SLC2A9: variants seen among roughly 807,000 people sequenced by gnomAD.
SLC2A9 encodes the protein solute carrier family 2 member 9, also known as solute carrier family 2, facilitated glucose transporter member 9.
SLC2A9 carries 39 observed loss-of-function variants against 50.6 expected under a neutral mutation model. The observed-to-expected ratio is 0.77, with a 90% CI of 0.60 to 1.01. The LOEUF is 1.01. SLC2A9 is among the 50% of genes least tolerant of loss of function. The probability of loss-of-function intolerance (pLI) is 0.00; values close to 1 mark genes in which losing one functional copy is unlikely to be tolerated. For synonymous variants in SLC2A9, 324 were observed against 276.9 expected, an observed-to-expected ratio of 1.17 and a Z score of -1.69; for missense variants, 686 against 677.6, an observed-to-expected ratio of 1.01 and a Z score of -0.14.
At chr4:9,969,881 A>G (rs1158277394) in intron 5 of SLC2A9, among the ~76,000 whole-genome samples, 1 of 152,230 alleles carries the variant, frequency 6.6e-6, no homozygotes, top group Non-Finnish European at 1.5e-5. Context: ...ACAATTCAAG[A>G]TGAGATCTGG....
chr4:9,918,870 G>A (rs1743385259), intron 7 of SLC2A9, among the ~76,000 whole-genome samples: 1 of 152,120 alleles, frequency 6.6e-6, no homozygotes, highest in African/African-American at 2.4e-5. Flanking sequence ...AACATGGGAG[G>A]GCAGAACACT....
intron 3 of SLC2A9, among the ~76,000 whole-genome samples, chr4:9,800,838 C>A (rs540106843): frequency 6.6e-6 from 1 of 152,104 alleles, no homozygotes; most frequent in Non-Finnish European, 1.5e-5. Flanking sequence ...ATATCAGGGA[C>A]TTGAGCATTT....
At chr4:9,818,707 C>A (rs1045476082) in intron 3 of SLC2A9, among the ~76,000 whole-genome samples, 1 of 152,208 alleles carries the variant, frequency 6.6e-6, no homozygotes, top group Non-Finnish European at 1.5e-5. Flanking sequence ...AAGTCCCTGT[C>A]ACGATTATTA....
At chr4:9,819,657 G>A (rs769924378) in intron 3 of SLC2A9, among the ~76,000 whole-genome samples, 12 of 152,292 alleles carry the variant, frequency 7.9e-5, no homozygotes, top group East Asian at 3.9e-4. Context: ...CTTTTGGCCC[G>A]GTGTGGTGGC....
chr4:9,930,301 C>CT (rs1486756952), intron 6 of SLC2A9, among the ~76,000 whole-genome samples: 1 of 152,226 alleles, frequency 6.6e-6, no homozygotes. Flanking sequence ...AATGCCAGGT[C>CT]TTCCCCTAAA....
At chr4:9,939,213 A>C (rs918510306) in intron 6 of SLC2A9, among the ~76,000 whole-genome samples, 2 of 152,206 alleles carry the variant, frequency 1.3e-5, no homozygotes, top group African/African-American at 4.8e-5. Context: ...AACCTAGGTC[A>C]GCCAGGTGAC....
intron 8 of SLC2A9, among the ~76,000 whole-genome samples, chr4:9,899,494 T>C (rs1031504425): frequency 2.0e-4 from 30 of 152,336 alleles, no homozygotes; most frequent in African/African-American, 6.5e-4. Context: ...CTTGGAAAGC[T>C]GTGGTTATTG....
Position 9,841,856 on chromosome 4 carries a change from G to A in SLC2A9, c.1292-6848C>T, listed in dbSNP as rs538899494. On this transcript the variant is annotated intron_variant, in intron 10 of 11. Coordinates refer to ENST00000264784, the MANE Select transcript of SLC2A9 (RefSeq NM_020041.3). The stretch of plus-strand genomic sequence containing the variant: ...GACCCTTTGAGAGGGCTGTTTGGGG[G>A]GAAGGTATCTTCTTGATCTTTCTCT... Among the ~76,000 whole-genome samples the A allele has an allele frequency of 2.0e-5, 3 of 152,206 alleles. No individual in the cohort carries two copies. In the South Asian group the frequency reaches 6.2e-4, roughly 32 times the overall value.
intron 5 of SLC2A9, among the ~76,000 whole-genome samples, chr4:9,963,439 A>G (rs1294242822): frequency 6.6e-6 from 1 of 152,242 alleles, no homozygotes; most frequent in Non-Finnish European, 1.5e-5. Flanking sequence ...GGGGTAGCTC[A>G]ATGCTACAGA....
rs34545348 is a variant in SLC2A9 at position 9,999,076 on chromosome 4, C to CTT, written c.250-2137_250-2136dup. Among the ~76,000 whole-genome samples the CTT allele has an allele frequency of 4.3e-3, 610 of 143,208 alleles. 3 individuals are homozygous for CTT. The highest frequency in any genetic ancestry group is 5.7e-3 in the Non-Finnish European group (373 of 65,810). The allele number at this position is 143,208 out of a possible 152,430, so 94.0% of individuals were successfully genotyped here. A position where few individuals can be genotyped will look rare whatever the true frequency, so the allele number is the denominator to read the frequency against. On this transcript the variant is annotated intron_variant, in intron 2 of 11. Transcript: ENST00000264784. The stretch of plus-strand genomic sequence containing the variant: ...GGGGAGGGACACTTGGTAGGTCCTT[C>CTT]TTTTTTTTTTTTTCAGGCTGGAGTG...
chr4:9,884,591 A>C (rs1182362581), intron 10 of SLC2A9, among the ~76,000 whole-genome samples: 1 of 152,178 alleles, frequency 6.6e-6, no homozygotes, highest in Non-Finnish European at 1.5e-5. Context: ...ATAATAGACA[A>C]ACCCTTCAGT....
At chr4:10,036,413 C>G (rs1490673882) in intron 1 of SLC2A9, among the ~76,000 whole-genome samples, 1 of 152,230 alleles carries the variant, frequency 6.6e-6, no homozygotes, top group Non-Finnish European at 1.5e-5. Flanking sequence ...GCGCATATCA[C>G]AGAGTAAAAT....
downstream of SLC2A9, among the ~76,000 whole-genome samples, chr4:9,796,657 T>A (rs1720630227): frequency 6.6e-6 from 1 of 152,188 alleles, no homozygotes; most frequent in Non-Finnish European, 1.5e-5. Context: ...CATTTACTTC[T>A]CATTTCCATA....
intron 10 of SLC2A9, among the ~76,000 whole-genome samples, chr4:9,884,258 T>C (rs1735761913): frequency 6.6e-6 from 1 of 152,198 alleles, no homozygotes; most frequent in South Asian, 2.1e-4. Context: ...CAGGAGCATG[T>C]TACTTTTTTA....
chr4:10,018,831 C>G, intron 2 of SLC2A9, 144 bp downstream of exon 2: 2 of 745,830 alleles, frequency 2.7e-6, no homozygotes, highest in Non-Finnish European at 4.4e-6. Flanking sequence ...CTCCCCTCTC[C>G]CCCGAGTGGG....
At chr4:9,827,857 C>A (rs7680554) in intron 11 of SLC2A9, among the ~76,000 whole-genome samples, 23,107 of 152,092 alleles carry the variant, frequency 0.15, 2,305 homozygotes, top group African/African-American at 0.28. Context: ...AATCCTGATC[C>A]CATTACTCAC....
At chr4:9,940,979 T>C (rs1748016337) in intron 6 of SLC2A9, among the ~76,000 whole-genome samples, 1 of 152,178 alleles carries the variant, frequency 6.6e-6, no homozygotes, top group Non-Finnish European at 1.5e-5. Context: ...GTCCTCACAA[T>C]GGCCCCATGA....
rs1222170121 is a variant in SLC2A9, at chr4:9,934,708, T to A, written c.814+7205A>T. On this transcript the variant is annotated intron_variant, in intron 6 of 11. Transcript: ENST00000264784. ...GTGCAGAATGTACAGGTTTGTTACA[T>A]AAATAAACATCTGCCATGGCGGTTT... Among the ~76,000 whole-genome samples the A allele has an allele frequency of 1.1e-3, 175 of 152,246 alleles. 3 individuals carry two copies. Among genetic ancestry groups the A allele is most frequent in the Non-Finnish European group, 1.9e-4 (13 of 68,032 alleles).
intron 3 of SLC2A9, among the ~76,000 whole-genome samples, chr4:9,800,100 G>C (rs536694672): frequency 7.2e-5 from 11 of 152,264 alleles, no homozygotes; most frequent in African/African-American, 2.6e-4. Flanking sequence ...AGAGGGTCCA[G>C]GACTTCTGGA....
Sources: gnomAD v4.1 joint callset for allele counts (sites outside exome capture counted in the v4.1 genomes callset) on GRCh38, gnomAD v4.1.1 for gene constraint, MANE v1.5 for transcripts, NCBI Gene and HGNC (gene_info 2026-07-23, HGNC 2026-07-21) for gene names.